Variants in PLAG1 observed in about 807,000 individuals in gnomAD.
The protein encoded by PLAG1 is PLAG1 zinc finger, also known as zinc finger protein PLAG1.
In PLAG1, 7 loss-of-function variants were observed where a neutral mutation model predicts 35.5. The ratio of observed to expected loss-of-function variants is 0.20; its 90% confidence interval spans 0.11 to 0.37. The LOEUF (loss-of-function observed/expected upper bound fraction) is 0.37. PLAG1 is among the 10% of genes least tolerant of loss of function. The pLI, the probability that PLAG1 is intolerant of heterozygous loss-of-function variation, is 1.00. For missense variants in PLAG1, 454 were observed against 602.8 expected (o/e 0.75, Z 2.58); for synonymous variants, 229 against 225.4 (o/e 1.02, Z -0.14).
chr8:56,194,576 GGTGTGT>G (rs796716146), intron 1 of PLAG1, among the ~76,000 whole-genome samples: 1 of 149,410 alleles, frequency 6.7e-6, no homozygotes, highest in African/African-American at 2.4e-5. Context: ...CTCAGCACTG[GGTGTGT>G]GTGTGTGTGT....
intron 1 of PLAG1, among the ~76,000 whole-genome samples, chr8:56,193,132 A>C (rs969367868): frequency 3.3e-5 from 5 of 152,226 alleles, no homozygotes; most frequent in Non-Finnish European, 5.9e-5. Flanking sequence ...ATTGTATTGT[A>C]ATTATACCTT....
At chr8:56,197,249 CTG>C (rs1301705256) in intron 1 of PLAG1, among the ~76,000 whole-genome samples, 1 of 152,150 alleles carries the variant, frequency 6.6e-6, no homozygotes, top group Non-Finnish European at 1.5e-5. Context: ...ACATCCGGGG[CTG>C]TGTGTCTCCC....
At chr8:56,179,006 G>T (rs896238237) in intron 2 of PLAG1, among the ~76,000 whole-genome samples, 3 of 125,160 alleles carry the variant, frequency 2.4e-5, no homozygotes, top group Non-Finnish European at 4.8e-5. Context: ...ATAGGTAATA[G>T]GATCCCGCCC....
intron 2 of PLAG1, among the ~76,000 whole-genome samples, chr8:56,178,245 T>C (rs1428791380): frequency 6.6e-6 from 1 of 152,108 alleles, no homozygotes; most frequent in African/African-American, 2.4e-5. Context: ...TGATTACAGA[T>C]ATAGGAGAAT....
chr8:56,163,671 GTGTA>G lies in PLAG1; in HGVS notation c.*2568_*2571del. On this transcript the variant is annotated 3_prime_UTR_variant, in exon 5 of 5. Transcript: ENST00000316981. ...GCAAGATTTAAGTATGTGTGTGTGT[GTGTA>G]TATATACACACACACACACACACAT... 1 of 190,182 alleles carries G rather than the reference GTGTA, an allele frequency of 5.3e-6. No homozygotes were observed. Among genetic ancestry groups the G allele is most frequent in the Non-Finnish European group, 1.1e-5 (1 of 90,854 alleles). The allele number at this position is 190,182 out of a possible 1,614,324, so 11.8% of individuals were successfully genotyped here.
At chr8:56,198,708 A>G (rs558315934) in intron 1 of PLAG1, among the ~76,000 whole-genome samples, 27 of 152,080 alleles carry the variant, frequency 1.8e-4, no homozygotes, top group Non-Finnish European at 3.4e-4. Context: ...TCAGGCCTCT[A>G]TACAAAGGGC....
intron 2 of PLAG1, among the ~76,000 whole-genome samples, chr8:56,171,946 T>A (rs1811538027): frequency 1.3e-5 from 2 of 152,220 alleles, no homozygotes; most frequent in Admixed American, 1.3e-4. Flanking sequence ...AATCTGTTAA[T>A]TCTTGATCGT....
chr8:56,192,560 G>A (rs1053535875), intron 1 of PLAG1, among the ~76,000 whole-genome samples: 1 of 152,194 alleles, frequency 6.6e-6, no homozygotes, highest in Non-Finnish European at 1.5e-5. Flanking sequence ...GTGTTACATA[G>A]TTTTATAGAA....
chr8:56,166,683 C>T lies in PLAG1; in HGVS notation c.1063G>A (p.Glu355Lys). ...AACTCCATCAGGTAACTCTCAATTT[C>T]CCCCTTTAATGGCTGTTCTTTTTCA... Reference protein sequence around the residue: ...IPEKEQPLKGEIESYLMELQG... With the variant: ...IPEKEQPLKGKIESYLMELQG... Residue 355 changes from glutamate to lysine, a missense_variant, in exon 5 of 5, where the codon GAA becomes AAA. This residue lies in a region of PLAG1 where 271 missense variants were observed against 315.6 expected (regional missense o/e 0.86). Transcript: ENST00000316981. The T allele has an allele frequency of 1.2e-6, 2 of 1,614,016 alleles. No individual in the cohort carries two copies. Among genetic ancestry groups the T allele is most frequent in the Non-Finnish European group, 1.7e-6 (2 of 1,179,952 alleles).
In PLAG1 at chr8:56,163,113, G is replaced by C; in HGVS notation, c.*3130C>G. On this transcript the variant is annotated 3_prime_UTR_variant, in exon 5 of 5. Coordinates refer to ENST00000316981, the MANE Select transcript of PLAG1 (RefSeq NM_002655.3). ...CCACACTCACACTTCCGTGTTTGGT[G>C]ACCTAACTTGTACATACATGTGGAA... 1 of 206,630 alleles carries C rather than the reference G, an allele frequency of 4.8e-6. No homozygotes were observed. The highest frequency in any genetic ancestry group is 7.2e-5 in the East Asian group (1 of 13,862). The allele number at this position is 206,630 out of a possible 1,614,324, so 12.8% of individuals were successfully genotyped here.
Position 56,161,441 on chromosome 8 carries a change from C to T in PLAG1, c.*4802G>A, listed in dbSNP as rs1384196945. The T allele has an allele frequency of 1.4e-5, 3 of 221,386 alleles. No individual in the cohort carries two copies. The highest frequency in any genetic ancestry group is 1.8e-5 in the Non-Finnish European group (2 of 110,436). 13.7% of individuals were successfully genotyped at this position (221,386 alleles called of 1,614,324 possible). On this transcript the variant is annotated 3_prime_UTR_variant, in exon 5 of 5. Transcript: ENST00000316981. ...GCTTATGTTCAGGTATGATGCAATCCGTTTCCTAATGGATTCCCAGTTTTT... is the reference window on the plus strand; with the variant it reads ...GCTTATGTTCAGGTATGATGCAATCTGTTTCCTAATGGATTCCCAGTTTTT...
chr8:56,201,981 T>C (rs1331832458), intron 1 of PLAG1, among the ~76,000 whole-genome samples: 1 of 151,580 alleles, frequency 6.6e-6, no homozygotes, highest in African/African-American at 2.4e-5. Flanking sequence ...TTTTTGTTTT[T>C]ACTAGGAAAA....
At chr8:56,174,287 G>A (rs1811625077) in intron 2 of PLAG1, among the ~76,000 whole-genome samples, 1 of 152,134 alleles carries the variant, frequency 6.6e-6, no homozygotes, top group African/African-American at 2.4e-5. Flanking sequence ...ACACAAGAGA[G>A]TTCTGAATAA....
intron 1 of PLAG1, among the ~76,000 whole-genome samples, chr8:56,207,999 T>C (rs142127599): frequency 5.9e-5 from 9 of 152,236 alleles, no homozygotes; most frequent in African/African-American, 1.9e-4. Flanking sequence ...TTTATTTAGA[T>C]TGACAATAAA....
At chr8:56,173,371 C>T (rs186885154) in intron 2 of PLAG1, among the ~76,000 whole-genome samples, 1 of 151,846 alleles carries the variant, frequency 6.6e-6, no homozygotes. Flanking sequence ...TAAATATCTC[C>T]CCCCAAAAAA....
rs553925075 is a variant in PLAG1 at position 56,183,089 on chromosome 8, G to A, written c.-321-3576C>T. Among the ~76,000 whole-genome samples the A allele has an allele frequency of 2.2e-4, 34 of 152,298 alleles. No individual in the cohort carries two copies. In the South Asian group the frequency reaches 6.8e-3, roughly 31 times the overall value. The stretch of plus-strand genomic sequence containing the variant: ...ATTTGCCTTTAAGAGAAGCACAGGA[G>A]TGTCCAGGGTATCCTTGAGGGTTTT... On this transcript the variant is annotated intron_variant, in intron 1 of 4. Coordinates refer to ENST00000316981, the MANE Select transcript of PLAG1 (RefSeq NM_002655.3).
At chr8:56,194,548 G>A (rs1367360323) in intron 1 of PLAG1, among the ~76,000 whole-genome samples, 1 of 152,050 alleles carries the variant, frequency 6.6e-6, no homozygotes, top group Non-Finnish European at 1.5e-5. Flanking sequence ...TGGAGGAACC[G>A]GAAGAGCATC....
intron 1 of PLAG1, among the ~76,000 whole-genome samples, chr8:56,202,426 A>G (rs1422133932): frequency 1.3e-5 from 2 of 152,252 alleles, no homozygotes; most frequent in Admixed American, 6.5e-5. Context: ...GCAAACAGCA[A>G]GAACACTTGG....
At chr8:56,192,887 C>G (rs1283175817) in intron 1 of PLAG1, among the ~76,000 whole-genome samples, 2 of 151,940 alleles carry the variant, frequency 1.3e-5, no homozygotes, top group African/African-American at 4.8e-5. Flanking sequence ...ACAGGACAGA[C>G]AGACAGACAC....
Sources: gnomAD v4.1 joint callset for allele counts (sites outside exome capture counted in the v4.1 genomes callset) on GRCh38, gnomAD v4.1.1 for gene constraint, gnomAD v4.1.1 regional missense constraint, MANE v1.5 for transcripts, NCBI Gene and HGNC (gene_info 2026-07-23, HGNC 2026-07-21) for gene names.